The following WDR25 variants were observed in gnomAD, a reference collection of about 807,000 sequenced individuals.
WDR25 encodes WD repeat domain 25, also known as WD repeat-containing protein 25.
In WDR25, 35 loss-of-function variants were observed where a neutral mutation model predicts 47.7. The observed-to-expected ratio is 0.73, with a 90% CI of 0.56 to 0.97. WDR25 has a LOEUF of 0.97. WDR25 is among the 50% of genes least tolerant of loss of function. The pLI is 0.00. For missense variants in WDR25, 634 were observed against 704.7 expected, an observed-to-expected ratio of 0.90 and a Z score of 1.14; for synonymous variants, 248 against 278.9, an observed-to-expected ratio of 0.89 and a Z score of 1.10.
chr14:100,407,383 A>G lies in WDR25; in HGVS notation c.822+25637A>G, dbSNP rs1897571597. The G allele has an allele frequency of 6.6e-6, 1 of 152,172 alleles. No individual in the cohort carries two copies. Among genetic ancestry groups the G allele is most frequent in the Admixed American group, 6.5e-5 (1 of 15,286 alleles). The allele number at this position is 152,172 out of a possible 1,614,324, so 9.4% of individuals were successfully genotyped here. ...AAGCTTTTAATTCAAAGCCCTATCCATCTTCCCAACTCAGGTGAGATGGGG... is the reference window on the plus strand; with the variant it reads ...AAGCTTTTAATTCAAAGCCCTATCCGTCTTCCCAACTCAGGTGAGATGGGG... On this transcript the variant is annotated intron_variant, in intron 2 of 6. Coordinates refer to ENST00000402312, the MANE Select transcript of WDR25 (RefSeq NM_001161476.3). The surrounding 1 kb of genome is among the most constrained non-coding windows in gnomAD (Gnocchi z 4.1).
At chr14:100,438,875 G>A (rs970434060) in intron 2 of WDR25, among the ~76,000 whole-genome samples, 2 of 152,240 alleles carry the variant, frequency 1.3e-5, no homozygotes, top group African/African-American at 4.8e-5. Context: ...CACACAGCTG[G>A]TAAGAGGCAG....
chr14:100,497,575 G>A (rs1230341351), intron 4 of WDR25, among the ~76,000 whole-genome samples: 1 of 152,192 alleles, frequency 6.6e-6, no homozygotes, highest in Non-Finnish European at 1.5e-5. Context: ...CAAGCCACCT[G>A]CTCTTGTTTA....
Position 100,525,786 on chromosome 14 carries a change from G to T in WDR25, c.1102-84G>T. The stretch of plus-strand genomic sequence containing the variant: ...AGCATAAACTTCACTAAACCTGCCT[G>T]CCCCCTGGGTCCTTGGCCTTCCCTG... On this transcript the variant is annotated intron_variant, in intron 4 of 6. Transcript: ENST00000402312. This position sits in a 1 kb window ranked among gnomAD's most constrained non-coding sequence, Gnocchi z 4.6. The T allele has an allele frequency of 1.3e-6, 2 of 1,522,358 alleles. No homozygotes were observed. Among genetic ancestry groups the T allele is most frequent in the South Asian group, 1.2e-5 (1 of 81,110 alleles). The allele number at this position is 1,522,358 out of a possible 1,614,324, so 94.3% of individuals were successfully genotyped here.
At chr14:100,380,886 A>T in intron 1 of WDR25, 24 bp from the exon 2 acceptor site, 1 of 1,585,954 alleles carries the variant, frequency 6.3e-7, no homozygotes, top group Non-Finnish European at 8.6e-7. Flanking sequence ...ACATTTTCTG[A>T]CGGTTGACCT....
intron 3 of WDR25, among the ~76,000 whole-genome samples, chr14:100,472,940 G>A (rs1239115613): frequency 6.6e-6 from 1 of 152,226 alleles, no homozygotes; most frequent in Non-Finnish European, 1.5e-5. Context: ...CTTTTGGCTG[G>A]CTCCTCCTGC....
intron 4 of WDR25, chr14:100,487,559 A>T (rs958480493): frequency 6.6e-6 from 1 of 152,246 alleles, no homozygotes; most frequent in Non-Finnish European, 1.5e-5. Flanking sequence ...TGATTCTGAC[A>T]TCTGTCACCC....
chr14:100,442,073 T>C (rs1482441180), intron 2 of WDR25, among the ~76,000 whole-genome samples: 2 of 152,120 alleles, frequency 1.3e-5, no homozygotes, highest in Non-Finnish European at 2.9e-5. Context: ...AGCAGGAACA[T>C]GGAGAGGGCC....
In WDR25 at chr14:100,430,203, C is replaced by T. The variant is rs867070394; in HGVS notation, c.823-37818C>T. Reference sequence around the variant, plus strand: ...GTGTGTGTTCCCGGGAAGGCACATCCTAAGCTTGGCCTGCTGGCTCTGGCT... The same window carrying T: ...GTGTGTGTTCCCGGGAAGGCACATCTTAAGCTTGGCCTGCTGGCTCTGGCT... On this transcript the variant is annotated intron_variant, in intron 2 of 6. Coordinates refer to ENST00000402312, the MANE Select transcript of WDR25 (RefSeq NM_001161476.3). This position sits in a 1 kb window ranked among gnomAD's most constrained non-coding sequence, Gnocchi z 4.7. 2.0e-5 allele frequency among the ~76,000 whole-genome samples: 3 copies of T among 151,074 alleles called. No homozygotes were observed. The highest frequency in any genetic ancestry group is 6.6e-5 in the Admixed American group (1 of 15,152).
At chr14:100,444,144 G>A (rs752177215) in intron 2 of WDR25, among the ~76,000 whole-genome samples, 5 of 152,228 alleles carry the variant, frequency 3.3e-5, no homozygotes, top group Admixed American at 6.5e-5. Context: ...CACACCTGGC[G>A]GGGCATGCCT....
At chr14:100,419,843 T>C (rs866336588) in intron 2 of WDR25, among the ~76,000 whole-genome samples, 1 of 152,168 alleles carries the variant, frequency 6.6e-6, no homozygotes, top group Non-Finnish European at 1.5e-5. Context: ...GAGATGCAAA[T>C]GCTTAGAAAC....
intron 4 of WDR25, among the ~76,000 whole-genome samples, chr14:100,513,279 C>T (rs1033919888): frequency 1.3e-5 from 2 of 152,112 alleles, no homozygotes; most frequent in Non-Finnish European, 2.9e-5. Context: ...ATGAGGGCTC[C>T]ACCTTTGTTA....
chr14:100,426,580 C>T (rs1230307053), intron 2 of WDR25, among the ~76,000 whole-genome samples: 3 of 152,238 alleles, frequency 2.0e-5, no homozygotes, highest in East Asian at 1.9e-4. Flanking sequence ...GATTGGAAGG[C>T]GGATTAGAGC....
intron 2 of WDR25, among the ~76,000 whole-genome samples, chr14:100,411,918 C>A (rs1897718885): frequency 6.6e-6 from 1 of 152,162 alleles, no homozygotes; most frequent in African/African-American, 2.4e-5. Flanking sequence ...GCAAAAAGAT[C>A]TAATGTTGAA....
At chr14:100,463,204 C>G (rs991959357) in intron 2 of WDR25, among the ~76,000 whole-genome samples, 24 of 151,684 alleles carry the variant, frequency 1.6e-4, no homozygotes, top group African/African-American at 5.6e-4. Context: ...GCTCCTCCTC[C>G]TCTCCGTCTT....
chr14:100,408,368 A>AACCCACTTAATTTACATATATTGAGT (rs1897606512), intron 2 of WDR25, among the ~76,000 whole-genome samples: 1 of 152,166 alleles, frequency 6.6e-6, no homozygotes, highest in Non-Finnish European at 1.5e-5. Flanking sequence ...ATTTATTGAG[A>AACCCACTTAATTTACATATATTGAGT]ACCCACTTAA....
intron 4 of WDR25, among the ~76,000 whole-genome samples, chr14:100,493,858 A>G (rs7493239): frequency 1 from 151,898 of 152,212 alleles, 75,796 homozygotes; most frequent in Middle Eastern, 1. Context: ...TGGGGATAGT[A>G]CCCCTGTAAG....
Position 100,404,820 on chromosome 14 carries a change from C to G in WDR25, c.822+23074C>G, listed in dbSNP as rs1166135795. Among the ~76,000 whole-genome samples the G allele has an allele frequency of 6.6e-6, 1 of 152,128 alleles. No individual in the cohort carries two copies. The highest frequency in any genetic ancestry group is 1.5e-5 in the Non-Finnish European group (1 of 68,018). The stretch of plus-strand genomic sequence containing the variant: ...TCTGCTGTTACATGGGGGCATGCAC[C>G]CCTCTCCCCTGCAGCTCTGGCCTCT... On this transcript the variant is annotated intron_variant, in intron 2 of 6. Transcript: ENST00000402312. This position sits in a 1 kb window ranked among gnomAD's most constrained non-coding sequence, Gnocchi z 4.6.
chr14:100,525,738 C>T lies in WDR25; in HGVS notation c.1102-132C>T. ...TTCCATATATGGCTTGTGGGTGCTGCTCAGCCTGGGTGTGTGTGGCCCAGC... is the reference window on the plus strand; with the variant it reads ...TTCCATATATGGCTTGTGGGTGCTGTTCAGCCTGGGTGTGTGTGGCCCAGC... On this transcript the variant is annotated intron_variant, in intron 4 of 6. Coordinates refer to ENST00000402312, the MANE Select transcript of WDR25 (RefSeq NM_001161476.3). The surrounding 1 kb of genome is among the most constrained non-coding windows in gnomAD (Gnocchi z 4.6). 1.9e-6 allele frequency: 2 copies of T among 1,049,568 alleles called. No homozygotes were observed. The highest frequency in any genetic ancestry group is 3.2e-5 in the African/African-American group (2 of 62,316). 65.0% of individuals were successfully genotyped at this position (1,049,568 alleles called of 1,614,324 possible).
intron 3 of WDR25, among the ~76,000 whole-genome samples, chr14:100,478,755 G>A (rs1282553711): frequency 1.3e-5 from 2 of 152,082 alleles, no homozygotes; most frequent in Admixed American, 6.5e-5. Flanking sequence ...GAAAAAGTTC[G>A]ATCATCGTCT....
Sources: gnomAD v4.1 joint callset for allele counts (sites outside exome capture counted in the v4.1 genomes callset) on GRCh38, gnomAD v4.1.1 for gene constraint, Gnocchi (gnomAD v3.1) non-coding constraint, MANE v1.5 for transcripts, NCBI Gene and HGNC (gene_info 2026-07-23, HGNC 2026-07-21) for gene names.